Variants in MTSS1 observed in about 807,000 individuals in gnomAD.
MTSS1 encodes MTSS I-BAR domain containing 1.
In MTSS1, 18 loss-of-function variants were observed where a neutral mutation model predicts 79.0. That is an observed-to-expected ratio of 0.23 (90% CI 0.16 to 0.34). The LOEUF (loss-of-function observed/expected upper bound fraction) is 0.34. MTSS1 is among the 10% of genes least tolerant of loss of function. The probability of loss-of-function intolerance (pLI) is 1.00; values close to 1 mark genes in which losing one functional copy is unlikely to be tolerated. For missense variants in MTSS1, 815 were observed against 986.2 expected, an observed-to-expected ratio of 0.83 and a Z score of 2.33; for synonymous variants, 341 against 368.6, an observed-to-expected ratio of 0.93 and a Z score of 0.86.
chr8:124,723,477 T>G (rs1411009672), intron 1 of MTSS1, among the ~76,000 whole-genome samples: 1 of 150,144 alleles, frequency 6.7e-6, no homozygotes, highest in Non-Finnish European at 1.5e-5. Context: ...TCCAAAAAAT[T>G]TGACTAAATA....
chr8:124,572,874 G>C (rs1004550729), intron 6 of MTSS1, among the ~76,000 whole-genome samples: 1 of 135,218 alleles, frequency 7.4e-6, no homozygotes, highest in South Asian at 2.5e-4. Context: ...AGCCACCCAA[G>C]TAGCTGGGAT....
At chr8:124,705,144 C>CTGA (rs1480330769) in intron 1 of MTSS1, among the ~76,000 whole-genome samples, 8 of 152,120 alleles carry the variant, frequency 5.3e-5, no homozygotes, top group African/African-American at 1.9e-4. Flanking sequence ...AAACAATGGG[C>CTGA]TGAGAAGTGG....
At chr8:124,570,082 T>G (rs1350953041) in intron 6 of MTSS1, among the ~76,000 whole-genome samples, 2 of 152,178 alleles carry the variant, frequency 1.3e-5, no homozygotes, top group Non-Finnish European at 2.9e-5. Context: ...GAGGAGAAAG[T>G]TTAATTTGGA....
At chr8:124,668,125 G>A (rs918624401) in intron 3 of MTSS1, among the ~76,000 whole-genome samples, 20 of 152,094 alleles carry the variant, frequency 1.3e-4, no homozygotes, top group African/African-American at 4.6e-4. Flanking sequence ...CACCTCCACC[G>A]CTGGGCTCTA....
At chr8:124,618,611 CAG>C (rs1225056078) in intron 3 of MTSS1, among the ~76,000 whole-genome samples, 25 of 152,166 alleles carry the variant, frequency 1.6e-4, no homozygotes, top group Admixed American at 1.2e-3. Context: ...AACAGGAGCT[CAG>C]AGTCATTCTT....
At chr8:124,624,174 GAC>G (rs1424860271) in intron 3 of MTSS1, among the ~76,000 whole-genome samples, 39 of 152,180 alleles carry the variant, frequency 2.6e-4, no homozygotes, top group African/African-American at 8.9e-4. Flanking sequence ...ACTCATATAG[GAC>G]AGAAGAAGAA....
chr8:124,619,677 T>G (rs892734630), intron 3 of MTSS1, among the ~76,000 whole-genome samples: 3 of 152,212 alleles, frequency 2.0e-5, no homozygotes, highest in Non-Finnish European at 4.4e-5. Flanking sequence ...TCAGACTTTT[T>G]TTTTTAAAGG....
intron 5 of MTSS1, among the ~76,000 whole-genome samples, chr8:124,587,576 G>A (rs1563804834): frequency 6.6e-6 from 1 of 152,158 alleles, no homozygotes; most frequent in Non-Finnish European, 1.5e-5. Flanking sequence ...TCAGCTCACC[G>A]CAGCCTCCGC....
chr8:124,704,200 C>T lies in MTSS1; in HGVS notation c.73-9G>A, dbSNP rs1252574095. ...CAAACTGGATAGCTCCCCTGCAACACATCAAAGACATCAGTAAGTCACACT... is the reference window on the plus strand; with the variant it reads ...CAAACTGGATAGCTCCCCTGCAACATATCAAAGACATCAGTAAGTCACACT... On this transcript the variant is annotated splice_polypyrimidine_tract_variant and intron_variant, in intron 1 of 13. Coordinates refer to ENST00000518547, the MANE Select transcript of MTSS1 (RefSeq NM_014751.6). 6.2e-7 allele frequency: 1 copy of T among 1,613,046 alleles called. No individual in the cohort carries two copies. Among genetic ancestry groups the T allele is most frequent in the Non-Finnish European group, 8.5e-7 (1 of 1,179,240 alleles).
chr8:124,724,921 A>G (rs1833466597), intron 1 of MTSS1, among the ~76,000 whole-genome samples: 1 of 152,198 alleles, frequency 6.6e-6, no homozygotes, highest in African/African-American at 2.4e-5. Context: ...AGCCACGTGA[A>G]TATCTTGTCT....
intron 9 of MTSS1, among the ~76,000 whole-genome samples, 186 bp from the exon 10 acceptor site, chr8:124,563,178 A>G (rs1038324585): frequency 1.3e-5 from 2 of 152,196 alleles, no homozygotes; most frequent in African/African-American, 4.8e-5. Context: ...ACACCAAATC[A>G]TGAAGGTAGT....
rs1831521320 is a variant in MTSS1 at position 124,589,826 on chromosome 8, C to G, written c.294-115G>C. ...TCACAATTACCCGAAACGTTCTCATCTAAACCCCGGGGCTCCAGAACAGCC... is the reference window on the plus strand; with the variant it reads ...TCACAATTACCCGAAACGTTCTCATGTAAACCCCGGGGCTCCAGAACAGCC... On this transcript the variant is annotated intron_variant, in intron 4 of 13. Transcript: ENST00000518547. The G allele has an allele frequency of 4.0e-6, 3 of 745,118 alleles. No individual in the cohort carries two copies. In the Admixed American group the frequency reaches 7.2e-5, roughly 18 times the overall value. 46.2% of individuals were successfully genotyped at this position (745,118 alleles called of 1,614,324 possible). A position where few individuals can be genotyped will look rare whatever the true frequency, so the allele number is the denominator to read the frequency against.
intron 3 of MTSS1, among the ~76,000 whole-genome samples, chr8:124,604,448 G>T (rs1020478372): frequency 5.9e-5 from 9 of 151,986 alleles, no homozygotes; most frequent in African/African-American, 2.2e-4. Flanking sequence ...TTAGGACAAA[G>T]GTAAAAGAAC....
At chr8:124,643,389 A>C (rs1283997071) in intron 3 of MTSS1, among the ~76,000 whole-genome samples, 1 of 152,116 alleles carries the variant, frequency 6.6e-6, no homozygotes, top group Non-Finnish European at 1.5e-5. Flanking sequence ...AAATGATTAC[A>C]ATATGATCAT....
At chr8:124,650,498 G>A (rs1374763647) in intron 3 of MTSS1, among the ~76,000 whole-genome samples, 3 of 151,728 alleles carry the variant, frequency 2.0e-5, no homozygotes, top group African/African-American at 4.8e-5. Context: ...TCCTGAGAAC[G>A]TGCTAAGATA....
intron 8 of MTSS1, 105 bp downstream of exon 8, chr8:124,566,966 A>G: frequency 2.4e-6 from 2 of 830,162 alleles, no homozygotes; most frequent in South Asian, 3.2e-5. Context: ...GACGTGGTGA[A>G]TATGACTACA....
At position 124,689,445 on chromosome 8, in the gene MTSS1, TA is replaced by T. The variant is rs879823879; in HGVS notation, c.208+10080del. 3.9e-3 allele frequency among the ~76,000 whole-genome samples: 568 copies of T among 144,624 alleles called. 1 individual carries two copies. Among genetic ancestry groups the T allele is most frequent in the African/African-American group, 9.9e-3 (391 of 39,644 alleles). 94.9% of individuals were successfully genotyped at this position (144,624 alleles called of 152,430 possible). On this transcript the variant is annotated intron_variant, in intron 3 of 13. Coordinates refer to ENST00000518547, the MANE Select transcript of MTSS1 (RefSeq NM_014751.6). ...CAAATGATTCTTCACAAGAGAACAT[TA>T]AAAAAAAAAAAATTCTTGGCTGGGC... is the stretch of plus-strand genomic sequence containing the variant.
intron 6 of MTSS1, among the ~76,000 whole-genome samples, chr8:124,584,167 G>A (rs1462907158): frequency 6.6e-6 from 1 of 152,152 alleles, no homozygotes. Context: ...CTCTACAAAT[G>A]TGTCTTCTAT....
intron 3 of MTSS1, among the ~76,000 whole-genome samples, chr8:124,668,106 C>A (rs1823455539): frequency 6.6e-6 from 1 of 152,080 alleles, no homozygotes; most frequent in South Asian, 2.1e-4. Flanking sequence ...AAAAAGTCTC[C>A]AAGGCTTTCA....
Sources: gnomAD v4.1 joint callset for allele counts (sites outside exome capture counted in the v4.1 genomes callset) on GRCh38, gnomAD v4.1.1 for gene constraint, MANE v1.5 for transcripts, NCBI Gene and HGNC (gene_info 2026-07-23, HGNC 2026-07-21) for gene names.